FBN2: variants seen among roughly 807,000 people sequenced by gnomAD.
FBN2 encodes the protein fibrillin 2.
FBN2 carries 105 observed loss-of-function variants against 355.6 expected under a neutral mutation model. That is an observed-to-expected ratio of 0.30 (90% CI 0.25 to 0.35). The LOEUF is 0.35. Ranked by LOEUF, FBN2 falls within the 10% of genes least tolerant of loss-of-function variation. The pLI is 1.00. For missense variants in FBN2, 3,280 were observed against 3,758.7 expected, an observed-to-expected ratio of 0.87 and a Z score of 3.33; for synonymous variants, 1,350 against 1,301.2, an observed-to-expected ratio of 1.04 and a Z score of -0.81.
chr5:128,401,260 T>C (rs909175397), intron 8 of FBN2, among the ~76,000 whole-genome samples: 12 of 152,166 alleles, frequency 7.9e-5, no homozygotes, highest in Non-Finnish European at 1.8e-4. Context: ...GGTTCACAAA[T>C]GCATATTTTC....
chr5:128,527,884 A>G lies in FBN2; in HGVS notation c.520T>C (p.Tyr174His), dbSNP rs1756603072. The G allele has an allele frequency of 1.2e-6, 2 of 1,606,700 alleles. No individual in the cohort carries two copies. Among genetic ancestry groups the G allele is most frequent in the East Asian group, 4.5e-5 (2 of 44,812 alleles). The change falls in exon 4 of 65, where the codon TAT becomes CAT. Residue 174 changes from tyrosine to histidine, a missense_variant. Coordinates refer to ENST00000262464, the MANE Select transcript of FBN2 (RefSeq NM_001999.4). ...CQCQKGYIGT[Y>H]CGQPVCENGC... The stretch of plus-strand genomic sequence containing the variant: ...CAATGTCCCTTACGTTGTCCACAAT[A>G]AGTTCCAATATATCCTTTCTGGCAC...
intron 5 of FBN2, among the ~76,000 whole-genome samples, chr5:128,475,736 T>A (rs997303566): frequency 2.0e-5 from 3 of 151,874 alleles, no homozygotes; most frequent in African/African-American, 7.3e-5. Flanking sequence ...AAGAGAAAAA[T>A]CCTTCCATTT....
chr5:128,328,597 G>A, intron 34 of FBN2, 99 bp downstream of exon 34: 2 of 1,240,984 alleles, frequency 1.6e-6, no homozygotes, highest in African/African-American at 2.9e-5. Context: ...CATGTGCTAT[G>A]TATTCTGCTT....
At chr5:128,328,847 C>G (rs1316462126) in intron 33 of FBN2, 26 bp from the exon 34 acceptor site, 3 of 1,613,442 alleles carry the variant, frequency 1.9e-6, no homozygotes, top group Non-Finnish European at 2.5e-6. Flanking sequence ...AATTACATCT[C>G]TGTTAAGTTC....
intron 48 of FBN2, among the ~76,000 whole-genome samples, chr5:128,300,467 A>ACAC (rs1297407745): frequency 6.6e-6 from 1 of 152,244 alleles, no homozygotes; most frequent in Non-Finnish European, 1.5e-5. Flanking sequence ...AAGACCCTAG[A>ACAC]CACCTTTAAT....
intron 7 of FBN2, among the ~76,000 whole-genome samples, chr5:128,425,426 T>A (rs1025628553): frequency 6.6e-5 from 10 of 152,204 alleles, no homozygotes; most frequent in African/African-American, 2.4e-4. Context: ...AAGTTAAATT[T>A]ACTATACTTA....
chr5:128,431,360 G>A (rs894601077), intron 7 of FBN2, among the ~76,000 whole-genome samples: 6 of 152,158 alleles, frequency 3.9e-5, no homozygotes, highest in African/African-American at 1.4e-4. Context: ...ATGGATGCCT[G>A]AAACCATGCA....
At chr5:128,385,046 C>CGT (rs1752330132) in intron 11 of FBN2, among the ~76,000 whole-genome samples, 1 of 152,088 alleles carries the variant, frequency 6.6e-6, no homozygotes, top group Non-Finnish European at 1.5e-5. Flanking sequence ...TACATATACA[C>CGT]ATATATTTTT....
intron 18 of FBN2, among the ~76,000 whole-genome samples, chr5:128,362,155 A>G (rs1751654901): frequency 6.6e-6 from 1 of 152,218 alleles, no homozygotes; most frequent in Non-Finnish European, 1.5e-5. Flanking sequence ...TATATTTTTA[A>G]AGCATTCATA....
intron 9 of FBN2, among the ~76,000 whole-genome samples, chr5:128,394,871 G>A (rs1479999927): frequency 1.3e-5 from 2 of 151,886 alleles, no homozygotes; most frequent in African/African-American, 2.4e-5. Context: ...CTGTAGCCTC[G>A]ACAGCCCAAG....
At chr5:128,534,783 C>T (rs530967410) in intron 2 of FBN2, among the ~76,000 whole-genome samples, 13 of 152,332 alleles carry the variant, frequency 8.5e-5, no homozygotes, top group African/African-American at 3.1e-4. Flanking sequence ...TCCCATTCCA[C>T]ACTGATCCAA....
At position 128,527,896 on chromosome 5, in the gene FBN2, A is replaced by G; in HGVS notation, c.508T>C (p.Tyr170His). 1 of 1,611,454 alleles carries G rather than the reference A, an allele frequency of 6.2e-7. No homozygotes were observed. Among genetic ancestry groups the G allele is most frequent in the Non-Finnish European group, 8.5e-7 (1 of 1,177,906 alleles). ...CGTTGTCCACAATAAGTTCCAATAT[A>G]TCCTTTCTGGCACTGGCAGTGGTCA... is the stretch of plus-strand genomic sequence containing the variant. ...ADDHCQCQKG[Y>H]IGTYCGQPVC... is the part of the protein sequence containing the mutation. Residue 170 changes from tyrosine (Y) to histidine (H), a missense_variant, in exon 4 of 65, where the codon TAT becomes CAT. This residue lies in a region of FBN2 where 130 missense variants were observed against 189.9 expected (regional missense o/e 0.68). Transcript: ENST00000262464.
Position 128,473,481 on chromosome 5 carries a change from A to C in FBN2, c.629-8560T>G, listed in dbSNP as rs1272273732. Among the ~76,000 whole-genome samples, 4 of 152,234 alleles carry C rather than the reference A, an allele frequency of 2.6e-5. No individual in the cohort carries two copies. In the East Asian group the frequency reaches 7.7e-4, roughly 29 times the overall value. On this transcript the variant is annotated intron_variant, in intron 5 of 64. Transcript: ENST00000262464. ...TTTTTACAAATAAATTAAAAGTCAC[A>C]GATTAAGTAATACATGGTGAATCAC...
chr5:128,371,456 C>CTT (rs1561423262), intron 15 of FBN2, among the ~76,000 whole-genome samples: 124 of 147,106 alleles, frequency 8.4e-4, no homozygotes, highest in African/African-American at 3.0e-3. Flanking sequence ...TTCTCTTTTT[C>CTT]TCCTTCCTTC....
At chr5:128,458,959 T>C (rs1317517858) in intron 6 of FBN2, among the ~76,000 whole-genome samples, 2 of 149,824 alleles carry the variant, frequency 1.3e-5, no homozygotes, top group Non-Finnish European at 3.0e-5. Flanking sequence ...AGAGAAGAAT[T>C]GAAGGAGTTA....
chr5:128,339,588 G>GA (rs1173504699), intron 25 of FBN2, among the ~76,000 whole-genome samples: 1 of 152,042 alleles, frequency 6.6e-6, no homozygotes, highest in Non-Finnish European at 1.5e-5. Context: ...TCTCAAAAAA[G>GA]AAAAGAAAAA....
At chr5:128,523,198 T>C (rs1300290997) in intron 4 of FBN2, among the ~76,000 whole-genome samples, 1 of 152,152 alleles carries the variant, frequency 6.6e-6, no homozygotes, top group African/African-American at 2.4e-5. Flanking sequence ...CACAAATGTG[T>C]TAGAAAAATA....
At chr5:128,482,996 T>C (rs1428764091) in intron 5 of FBN2, among the ~76,000 whole-genome samples, 1 of 152,154 alleles carries the variant, frequency 6.6e-6, no homozygotes, top group East Asian at 1.9e-4. Context: ...ATATACATCA[T>C]GAAATACTAC....
chr5:128,494,527 C>T (rs144554519), intron 5 of FBN2, among the ~76,000 whole-genome samples: 67 of 152,190 alleles, frequency 4.4e-4, no homozygotes, highest in Non-Finnish European at 7.4e-4. Flanking sequence ...GCAATTTATA[C>T]CCCAGGGCAT....
Sources: gnomAD v4.1 joint callset for allele counts (sites outside exome capture counted in the v4.1 genomes callset) on GRCh38, gnomAD v4.1.1 for gene constraint, gnomAD v4.1.1 regional missense constraint, MANE v1.5 for transcripts, NCBI Gene and HGNC (gene_info 2026-07-23, HGNC 2026-07-21) for gene names.